MSH6: variants seen among roughly 807,000 people sequenced by gnomAD.
MSH6 encodes the protein DNA mismatch repair protein Msh6.
MSH6 carries 85 observed loss-of-function variants against 119.1 expected under a neutral mutation model. The ratio of observed to expected loss-of-function variants is 0.71; its 90% confidence interval spans 0.60 to 0.85. The LOEUF is 0.85. MSH6 is among the 40% of genes least tolerant of loss of function. The pLI, the probability that MSH6 is intolerant of heterozygous loss-of-function variation, is 0.00. For synonymous variants in MSH6, 830 were observed against 586.9 expected, an observed-to-expected ratio of 1.41 and a Z score of -5.99; for missense variants, 2,163 against 1,655.3, an observed-to-expected ratio of 1.31 and a Z score of -5.32.
In MSH6 at chr2:47,799,584, A is replaced by C. The variant is rs1572723598; in HGVS notation, c.1601A>C (p.Asn534Thr). Reference sequence around the variant, plus strand: ...GTGCTGGAAGGTGATCCCTCTGAGAACTACAGTAAGTATCTTCTTAGCCTC... The same window carrying C: ...GTGCTGGAAGGTGATCCCTCTGAGACCTACAGTAAGTATCTTCTTAGCCTC... ...YSVLEGDPSE[N>T]YSKYLLSLKE... The change falls in exon 4 of 10, where the codon AAC (asparagine) becomes ACC (threonine). Residue 534 changes from asparagine (N) to threonine (T), a missense_variant. Physicochemically the swap from Asn to Thr is moderately conservative, Grantham distance 65. Transcript: ENST00000234420. 3 of 1,614,044 alleles carry C rather than the reference A, an allele frequency of 1.9e-6. No individual in the cohort carries two copies. Among genetic ancestry groups the C allele is most frequent in the Non-Finnish European group, 2.5e-6 (3 of 1,180,032 alleles).
At chr2:47,787,157 C>T (rs572969177) in intron 1 of MSH6, among the ~76,000 whole-genome samples, 38 of 152,220 alleles carry the variant, frequency 2.5e-4, no homozygotes, top group African/African-American at 7.9e-4. Context: ...GGCATGGTGG[C>T]GTGTGCCTGT....
chr2:47,798,095 T>C, intron 3 of MSH6: 1 of 196,842 alleles, frequency 5.1e-6, no homozygotes, highest in Non-Finnish European at 1.1e-5. Flanking sequence ...GTCCAGAGAT[T>C]TTTTTTCCAC....
At position 47,806,821 on chromosome 2, in the gene MSH6, A is replaced by T. The variant is rs786203740; in HGVS notation, c.4044A>T (p.Glu1348Asp). The change falls in exon 10 of 10, where the codon GAA (glutamate) becomes GAT (aspartate). Residue 1348 changes from glutamate (E) to aspartate (D), a missense_variant. By Grantham distance (45) the Glu-to-Asp change is conservative (BLOSUM62 2). Coordinates refer to ENST00000234420, the MANE Select transcript of MSH6 (RefSeq NM_000179.3). Reference protein sequence around the residue: ...LASERSTVDAEAVHKLLTLIK... With the variant: ...LASERSTVDADAVHKLLTLIK... ...GTGAAAGGTCAACTGTAGATGCTGA[A>T]GCTGTCCATAAATTGCTGACTTTGA... 3 of 1,612,214 alleles carry T rather than the reference A, an allele frequency of 1.9e-6. No homozygotes were observed. The highest frequency in any genetic ancestry group is 2.5e-6 in the Non-Finnish European group (3 of 1,179,320).
chr2:47,805,569 A>G (rs1386451993), intron 6 of MSH6, 49 bp from the exon 7 acceptor site: 2 of 1,197,644 alleles, frequency 1.7e-6, no homozygotes, highest in Non-Finnish European at 1.2e-6. Flanking sequence ...GAATTTATGT[A>G]ATATGATTTG....
downstream of MSH6, chr2:47,809,613 A>G (rs893463495): frequency 1.1e-5 from 18 of 1,612,050 alleles, no homozygotes; most frequent in African/African-American, 1.5e-4. Flanking sequence ...TCATTGTCAC[A>G]TTAACACCAG....
At chr2:47,788,564 CTTTTTCTTTTT>C (rs1209151918) in intron 1 of MSH6, among the ~76,000 whole-genome samples, 1 of 121,948 alleles carries the variant, frequency 8.2e-6, no homozygotes, top group African/African-American at 3.1e-5. Context: ...TTTTCTTTTT[CTTTTTCTTTTT>C]TTTTTTTTTT....
chr2:47,784,258 A>G, intron 1 of MSH6: 2 of 995,190 alleles, frequency 2.0e-6, no homozygotes, highest in Non-Finnish European at 2.4e-6. Context: ...CTGCACGTGC[A>G]CCGAGACGAA....
downstream of MSH6, chr2:47,807,184 G>C: frequency 3.7e-6 from 1 of 271,488 alleles, no homozygotes; most frequent in Non-Finnish European, 7.0e-6. Context: ...GCAGGAAATT[G>C]GTTTAATTTC....
chr2:47,804,536 A>T (rs897139662), intron 5 of MSH6, among the ~76,000 whole-genome samples: 3 of 54,700 alleles, frequency 5.5e-5, no homozygotes, highest in African/African-American at 2.8e-4. Context: ...GACAACGTGT[A>T]AAAAAAAAAA....
At chr2:47,801,680 C>T (rs2104452011) in intron 4 of MSH6, among the ~76,000 whole-genome samples, 2 of 151,796 alleles carry the variant, frequency 1.3e-5, no homozygotes, top group Middle Eastern at 6.8e-3. Flanking sequence ...TTTCTTCAGT[C>T]TTTAATAATC....
chr2:47,787,755 C>G (rs1057112530), intron 1 of MSH6, among the ~76,000 whole-genome samples: 1 of 152,002 alleles, frequency 6.6e-6, no homozygotes, highest in Non-Finnish European at 1.5e-5. Flanking sequence ...TAGCTGGGAC[C>G]CCAAGTGCAC....
At chr2:47,783,603 G>A in intron 1 of MSH6, 110 bp downstream of exon 1, 1 of 1,159,710 alleles carries the variant, frequency 8.6e-7, no homozygotes, top group Non-Finnish European at 1.1e-6. Flanking sequence ...CCTGGCCCTG[G>A]GCTCGGAGGA....
chr2:47,784,005 T>C, intron 1 of MSH6: 1 of 1,022,572 alleles, frequency 9.8e-7, no homozygotes, highest in Non-Finnish European at 1.2e-6. Flanking sequence ...GGCGCGGAGA[T>C]AGTGAGTTGG....
rs1558661621 is a variant in MSH6, at chr2:47,799,403, G to A, written c.1420G>A (p.Val474Met). The A allele has an allele frequency of 6.2e-7, 1 of 1,614,112 alleles. No individual in the cohort carries two copies. Among genetic ancestry groups the A allele is most frequent in the Non-Finnish European group, 8.5e-7 (1 of 1,180,022 alleles). The change falls in exon 4 of 10, where the codon GTG (valine) becomes ATG (methionine). Residue 474 changes from valine to methionine, a missense_variant. By Grantham distance (21) the Val-to-Met change is conservative. Coordinates refer to ENST00000234420, the MANE Select transcript of MSH6 (RefSeq NM_000179.3). ...IAFGRYSDSL[V>M]QKGYKVARVE... Reference sequence around the variant, plus strand: ...ATTTGGCCGTTATTCAGATTCCCTGGTGCAGAAGGGCTATAAAGTAGCACG... The same window carrying A: ...ATTTGGCCGTTATTCAGATTCCCTGATGCAGAAGGGCTATAAAGTAGCACG...
rs1670028273 is a variant in MSH6 at position 47,806,151 on chromosome 2, TTTTTG to T, written c.3647-48_3647-44del. ...TCCTAGCATTTTTGTTTTAATTCCT[TTTTTG>T]TTTTAATTCCTTTGAGTTACTTCCT... On this transcript the variant is annotated intron_variant, in intron 7 of 9. Coordinates refer to ENST00000234420, the MANE Select transcript of MSH6 (RefSeq NM_000179.3). 5.2e-6 allele frequency: 8 copies of T among 1,547,648 alleles called. No individual in the cohort carries two copies. The highest frequency in any genetic ancestry group is 2.2e-5 in the South Asian group (2 of 89,388).
At position 47,798,714 on chromosome 2, in the gene MSH6, A is replaced by G. The variant is rs1444288153; in HGVS notation, c.731A>G (p.Gln244Arg). The G allele has an allele frequency of 6.2e-7, 1 of 1,614,098 alleles. No individual in the cohort carries two copies. Among genetic ancestry groups the G allele is most frequent in the African/African-American group, 1.3e-5 (1 of 74,950 alleles). Residue 244 changes from glutamine (Q) to arginine (R), a missense_variant, in exon 4 of 10, where the codon CAA (glutamine) becomes CGA (arginine). Transcript: ENST00000234420. Reference protein sequence around the residue: ...KTQGSRRSSRQIKKRRVISDS... With the variant: ...KTQGSRRSSRRIKKRRVISDS... Reference sequence around the variant, plus strand: ...CAAGGATCTAGGCGAAGTAGCCGCCAAATAAAAAAACGAAGGGTCATATCA... The same window carrying G: ...CAAGGATCTAGGCGAAGTAGCCGCCGAATAAAAAAACGAAGGGTCATATCA...
At position 47,788,551 on chromosome 2, in the gene MSH6, C is replaced by G. The variant is rs183119446; in HGVS notation, c.261-2376C>G. Among the ~76,000 whole-genome samples the G allele has an allele frequency of 3.6e-3, 520 of 145,848 alleles. 5 individuals carry two copies. The highest frequency in any genetic ancestry group is 0.012 in the African/African-American group (493 of 39,544). On this transcript the variant is annotated intron_variant, in intron 1 of 9. Transcript: ENST00000234420. ...TACAGGCGTGAGCCACCGTGCCCAGCCTTTTTCTTTTTCTTTTTCTTTTTT... is the reference window on the plus strand; with the variant it reads ...TACAGGCGTGAGCCACCGTGCCCAGGCTTTTTCTTTTTCTTTTTCTTTTTT...
At chr2:47,803,175 C>T (rs986262875) in intron 4 of MSH6, among the ~76,000 whole-genome samples, 2 of 152,302 alleles carry the variant, frequency 1.3e-5, no homozygotes, top group Admixed American at 6.5e-5. Context: ...GCCTAGGCCT[C>T]CTGAAGTGCT....
Position 47,788,060 on chromosome 2 carries a change from CACAAT to C in MSH6, c.261-2863_261-2859del, listed in dbSNP as rs3136258. Among the ~76,000 whole-genome samples the C allele has an allele frequency of 2.9e-3, 438 of 152,198 alleles. 1 individual carries two copies. The highest frequency in any genetic ancestry group is 0.01 in the African/African-American group (420 of 41,536). ...ATGTTTAAAATTTTTAGTTTTGTTA[CACAAT>C]ACATTTTACTACCTGTTTAATTATC... On this transcript the variant is annotated intron_variant, in intron 1 of 9. Transcript: ENST00000234420.
Sources: allele counts gnomAD v4.1 joint callset (sites outside exome capture counted in the v4.1 genomes callset), GRCh38; gene constraint gnomAD v4.1.1; transcripts MANE v1.5; gene names NCBI Gene and HGNC (gene_info 2026-07-23, HGNC 2026-07-21).